CADPS: variants seen among roughly 807,000 people sequenced by gnomAD.
The protein encoded by CADPS is calcium dependent secretion activator.
CADPS carries 57 observed loss-of-function variants against 167.3 expected under a neutral mutation model. The observed-to-expected ratio is 0.34, with a 90% confidence interval of 0.28 to 0.42. The LOEUF (loss-of-function observed/expected upper bound fraction) is 0.42, where lower values mean the gene tolerates loss of function less well. Ranked by LOEUF, CADPS falls within the 20% of genes least tolerant of loss-of-function variation. The pLI is 1.00. For synonymous variants in CADPS, 676 were observed against 635.3 expected (o/e 1.06, Z -0.96); for missense variants, 1,414 against 1,738.1 (o/e 0.81, Z 3.32).
chr3:62,654,840 G>T (rs1428557163), intron 4 of CADPS, among the ~76,000 whole-genome samples: 2 of 152,162 alleles, frequency 1.3e-5, no homozygotes, highest in African/African-American at 2.4e-5. Context: ...TTGCCAGGAG[G>T]ATGAAGAAAA....
At chr3:62,600,092 C>G (rs992073370) in intron 6 of CADPS, among the ~76,000 whole-genome samples, 15 of 147,590 alleles carry the variant, frequency 1.0e-4, no homozygotes, top group African/African-American at 2.5e-5. Flanking sequence ...CATGAAATAA[C>G]CAAAGGTGTG....
chr3:62,696,145 A>G (rs2080231902), intron 3 of CADPS, among the ~76,000 whole-genome samples: 1 of 152,028 alleles, frequency 6.6e-6, no homozygotes, highest in African/African-American at 2.4e-5. Flanking sequence ...TCCCTCAGCT[A>G]CAAACCCTGT....
chr3:62,512,103 G>T (rs2151568418), intron 17 of CADPS, among the ~76,000 whole-genome samples: 1 of 152,202 alleles, frequency 6.6e-6, no homozygotes, highest in South Asian at 2.1e-4. Context: ...CAACCCTTTA[G>T]ACTACAAAAA....
At chr3:62,429,828 A>C (rs1268358608) in intron 28 of CADPS, among the ~76,000 whole-genome samples, 1 of 152,240 alleles carries the variant, frequency 6.6e-6, no homozygotes, top group Non-Finnish European at 1.5e-5. Context: ...TTAATGGAAC[A>C]TTCTCCTCTG....
At chr3:62,663,314 T>A (rs1189490718) in intron 3 of CADPS, among the ~76,000 whole-genome samples, 2 of 152,212 alleles carry the variant, frequency 1.3e-5, no homozygotes, top group Admixed American at 1.3e-4. Context: ...AATAGAATTT[T>A]ATTTACAACA....
chr3:62,434,541 C>G (rs2054604871), intron 28 of CADPS, among the ~76,000 whole-genome samples: 1 of 151,516 alleles, frequency 6.6e-6, no homozygotes, highest in Non-Finnish European at 1.5e-5. Flanking sequence ...TTGGTTAAAA[C>G]AAAAAAAATC....
chr3:62,454,173 G>T (rs2058411706), intron 26 of CADPS, among the ~76,000 whole-genome samples: 1 of 152,216 alleles, frequency 6.6e-6, no homozygotes, highest in South Asian at 2.1e-4. Flanking sequence ...TAATGGAAAA[G>T]AGAATACTGA....
At chr3:62,467,011 C>G (rs938087253) in intron 24 of CADPS, among the ~76,000 whole-genome samples, 1 of 152,126 alleles carries the variant, frequency 6.6e-6, no homozygotes, top group Non-Finnish European at 1.5e-5. Context: ...CATGGATAAA[C>G]AGACCCAGTA....
intron 28 of CADPS, among the ~76,000 whole-genome samples, chr3:62,434,025 T>C (rs1413159091): frequency 6.6e-6 from 1 of 152,222 alleles, no homozygotes; most frequent in East Asian, 1.9e-4. Context: ...CATATCCATG[T>C]TTTATATTTT....
intron 1 of CADPS, among the ~76,000 whole-genome samples, chr3:62,825,755 G>A (rs1180339434): frequency 6.6e-6 from 1 of 152,136 alleles, no homozygotes; most frequent in African/African-American, 2.4e-5. Context: ...TTTGAAAACA[G>A]CTCTTCATAG....
At chr3:62,435,602 G>A (rs942804117) in intron 28 of CADPS, among the ~76,000 whole-genome samples, 2 of 152,102 alleles carry the variant, frequency 1.3e-5, no homozygotes, top group Admixed American at 6.6e-5. Flanking sequence ...AGGAGATCAG[G>A]TTATTTAGAA....
chr3:62,502,616 T>G (rs2065949101), intron 17 of CADPS, among the ~76,000 whole-genome samples: 1 of 152,144 alleles, frequency 6.6e-6, no homozygotes, highest in Admixed American at 6.5e-5. Flanking sequence ...ACCTATAAAA[T>G]TATACTTGAG....
chr3:62,603,850 A>C (rs1188892304), intron 6 of CADPS, among the ~76,000 whole-genome samples: 1 of 151,490 alleles, frequency 6.6e-6, no homozygotes, highest in Admixed American at 6.6e-5. Context: ...TTTTTGAGAC[A>C]GAGTCTCGCT....
chr3:62,708,206 G>T (rs1389256698), intron 3 of CADPS, among the ~76,000 whole-genome samples: 1 of 151,722 alleles, frequency 6.6e-6, no homozygotes, highest in African/African-American at 2.4e-5. Context: ...TGACAGGCAT[G>T]AGCCACTGTG....
At chr3:62,783,527 G>C (rs1434003465) in intron 1 of CADPS, among the ~76,000 whole-genome samples, 1 of 152,136 alleles carries the variant, frequency 6.6e-6, no homozygotes, top group Non-Finnish European at 1.5e-5. Flanking sequence ...CTGGGGTCTG[G>C]AGCTAGACAA....
chr3:62,529,609 T>A (rs1397086233), intron 13 of CADPS, among the ~76,000 whole-genome samples: 4 of 152,230 alleles, frequency 2.6e-5, no homozygotes, highest in African/African-American at 9.6e-5. Context: ...CCTTACATAT[T>A]GCGGTGAAGG....
intron 1 of CADPS, among the ~76,000 whole-genome samples, chr3:62,839,917 C>G (rs2076404559): frequency 6.6e-6 from 1 of 152,066 alleles, no homozygotes; most frequent in South Asian, 2.1e-4. Context: ...CTTGGATGAC[C>G]AGATGCATGG....
intron 22 of CADPS, among the ~76,000 whole-genome samples, chr3:62,481,263 C>A (rs918703343): frequency 2.6e-5 from 4 of 152,250 alleles, no homozygotes; most frequent in African/African-American, 9.6e-5. Context: ...CAGAAATATG[C>A]TTTATGGTTT....
At chr3:62,644,843 A>G (rs957189114) in intron 6 of CADPS, among the ~76,000 whole-genome samples, 3 of 152,168 alleles carry the variant, frequency 2.0e-5, no homozygotes, top group Admixed American at 6.5e-5. Context: ...GGTGCCTCCC[A>G]CTATCTCCTC....
Sources: allele counts gnomAD v4.1 joint callset (sites outside exome capture counted in the v4.1 genomes callset), GRCh38; gene constraint gnomAD v4.1.1; transcripts MANE v1.5; gene names NCBI Gene and HGNC (gene_info 2026-07-23, HGNC 2026-07-21).